Variants in PXN observed in about 807,000 individuals in gnomAD.
The protein encoded by PXN is testicular tissue protein Li 134.
Under a neutral mutation model 103.6 loss-of-function variants are expected in PXN, and 61 were observed. The observed-to-expected ratio is 0.59, with a 90% CI of 0.48 to 0.73. The LOEUF is 0.73. PXN is among the 30% of genes least tolerant of loss of function. The probability of loss-of-function intolerance (pLI) is 0.00; values close to 1 mark genes in which losing one functional copy is unlikely to be tolerated. For missense variants in PXN, 1,274 were observed against 1,460.3 expected (o/e 0.87, Z 2.08); for synonymous variants, 562 against 607.8 (o/e 0.92, Z 1.11).
In PXN at chr12:120,226,181, C is replaced by G. The variant is rs149924640; in HGVS notation, c.14-1804G>C. Reference sequence around the variant, plus strand: ...CTGTCTTGGCTTCACGCAGTGTCCTCATTTCCTCTGGGCCCAATCAGCAAT... The same window carrying G: ...CTGTCTTGGCTTCACGCAGTGTCCTGATTTCCTCTGGGCCCAATCAGCAAT... On this transcript the variant is annotated intron_variant, in intron 1 of 14. Transcript: ENST00000637617. 1.7e-5 allele frequency: 21 copies of G among 1,218,274 alleles called. No homozygotes were observed. In the East Asian group the frequency reaches 1.2e-3, roughly 67 times the overall value. The allele number at this position is 1,218,274 out of a possible 1,614,324, so 75.5% of individuals were successfully genotyped here. A position where few individuals can be genotyped will look rare whatever the true frequency, so the allele number is the denominator to read the frequency against.
At chr12:120,250,646 C>A (rs964494381) in intron 1 of PXN, among the ~76,000 whole-genome samples, 1 of 152,182 alleles carries the variant, frequency 6.6e-6, no homozygotes, top group Non-Finnish European at 1.5e-5. Context: ...CAAAGAGGCT[C>A]AGGGGAAATT....
rs375656026 is a variant in PXN at position 120,221,793 on chromosome 12, C to G, written c.696-35G>C. The G allele has an allele frequency of 1.1e-4, 161 of 1,529,416 alleles. 1 individual carries two copies. The African/African-American group carries it at 2.0e-3, about 19-fold the overall frequency. 94.7% of individuals were successfully genotyped at this position (1,529,416 alleles called of 1,614,324 possible). A position where few individuals can be genotyped will look rare whatever the true frequency, so the allele number is the denominator to read the frequency against. On this transcript the variant is annotated intron_variant, in intron 5 of 14. Coordinates refer to ENST00000637617, the MANE Select transcript of PXN (RefSeq NM_001385981.1). The surrounding 1 kb of genome is among the most constrained non-coding windows in gnomAD (Gnocchi z 6.6). ...GGGCACAGCATCAGTGGGGAGCCCA[C>G]AGTCAGCCCCACACTTCCCGGGGAT...
rs1370315432 is a variant in PXN, at chr12:120,222,734, G to A, written c.510C>T (p.Ser170=). The A allele has an allele frequency of 3.1e-6, 5 of 1,606,738 alleles. No homozygotes were observed. The East Asian group carries it at 6.7e-5, about 22-fold the overall frequency. ...PGFPADEANS[S]PPLPGALSPL... ...GGCTCAGGGCCCCAGGAAGCGGGGG[G>A]CTTGAGTTGGCCTCATCTTGCAGAG... The change falls in exon 5 of 15, where the codon AGC becomes AGT. Residue 170 remains serine (S), a synonymous_variant. Coordinates refer to ENST00000637617, the MANE Select transcript of PXN (RefSeq NM_001385981.1). The surrounding 1 kb of genome is among the most constrained non-coding windows in gnomAD (Gnocchi z 4.7).
chr12:120,259,611 C>T (rs561209224), intron 1 of PXN, among the ~76,000 whole-genome samples: 3 of 152,276 alleles, frequency 2.0e-5, no homozygotes, highest in East Asian at 3.9e-4. Flanking sequence ...ACCACTGGCC[C>T]AGCATCCAAG....
chr12:120,219,609 T>C lies in PXN; in HGVS notation c.1314A>G (p.Pro438=). 5 of 1,566,852 alleles carry C rather than the reference T, an allele frequency of 3.2e-6. No individual in the cohort carries two copies. The highest frequency in any genetic ancestry group is 4.3e-6 in the Non-Finnish European group (5 of 1,164,078). The change falls in exon 7 of 15, where the codon CCA becomes CCG. Residue 438 remains proline, a synonymous_variant. Transcript: ENST00000637617. The surrounding 1 kb of genome is among the most constrained non-coding windows in gnomAD (Gnocchi z 6.5). The part of the protein sequence containing the change: ...EEALAATWEQ[P]WASEVFGPER... ...CAGGCCCGAATACCTCCGAAGCCCA[T>C]GGCTGCTCCCATGTGGCAGCCAAGG...
At position 120,214,665 on chromosome 12, in the gene PXN, G is replaced by A. The variant is rs529754592; in HGVS notation, c.2748+160C>T. On this transcript the variant is annotated intron_variant, in intron 12 of 14. Transcript: ENST00000637617. The surrounding 1 kb of genome is among the most constrained non-coding windows in gnomAD (Gnocchi z 5.0). The stretch of plus-strand genomic sequence containing the variant: ...CCGATGCACATCGGGACAGGCTGTG[G>A]TTCAGGTGTGGCTGTGAATCCGGCC... 1.3e-5 allele frequency among the ~76,000 whole-genome samples: 2 copies of A among 152,318 alleles called. No homozygotes were observed. Among genetic ancestry groups the A allele is most frequent in the African/African-American group, 4.8e-5 (2 of 41,560 alleles).
chr12:120,255,390 A>C lies in PXN; in HGVS notation c.13+10227T>G, dbSNP rs956229997. Among the ~76,000 whole-genome samples the C allele has an allele frequency of 2.6e-5, 4 of 152,150 alleles. No individual in the cohort carries two copies. In the South Asian group the frequency reaches 8.3e-4, roughly 31 times the overall value. On this transcript the variant is annotated intron_variant, in intron 1 of 14. Coordinates refer to ENST00000637617, the MANE Select transcript of PXN (RefSeq NM_001385981.1). ...GAGCAAACGTGGAAGAATGGGTCAGACTGTGTTAAAATTTAAAAAGGAACA... is the reference window on the plus strand; with the variant it reads ...GAGCAAACGTGGAAGAATGGGTCAGCCTGTGTTAAAATTTAAAAAGGAACA...
rs770169305 is a variant in PXN at position 120,217,464 on chromosome 12, G to A, written c.1717-348C>T. On this transcript the variant is annotated intron_variant, in intron 7 of 14. Coordinates refer to ENST00000637617, the MANE Select transcript of PXN (RefSeq NM_001385981.1). The surrounding 1 kb of genome is among the most constrained non-coding windows in gnomAD (Gnocchi z 4.1). ...AACCACAAGATTTTCTTGGCTTACC[G>A]CACAGGGTTTGCACAAGAATTATTC... Among the ~76,000 whole-genome samples, 5 of 152,182 alleles carry A rather than the reference G, an allele frequency of 3.3e-5. No individual in the cohort carries two copies. The highest frequency in any genetic ancestry group is 5.9e-5 in the Non-Finnish European group (4 of 68,038).
chr12:120,254,817 G>A (rs769698518), intron 1 of PXN, among the ~76,000 whole-genome samples: 9 of 152,298 alleles, frequency 5.9e-5, no homozygotes, highest in Middle Eastern at 3.4e-3. Flanking sequence ...CCAAAGTGCT[G>A]GGATTACAGG....
rs1886305103 is a variant in PXN, at chr12:120,224,659, C to T, written c.14-282G>A. ...ATCTCCTACCTCTGGGAGTCAGGCA[C>T]CTGGCACTGCGTTCCCTCCTGACAG... On this transcript the variant is annotated intron_variant, in intron 1 of 14. Coordinates refer to ENST00000637617, the MANE Select transcript of PXN (RefSeq NM_001385981.1). This position sits in a 1 kb window ranked among gnomAD's most constrained non-coding sequence, Gnocchi z 5.0. The T allele has an allele frequency of 1.5e-6, 1 of 652,422 alleles. No homozygotes were observed. Among genetic ancestry groups the T allele is most frequent in the South Asian group, 1.5e-5 (1 of 66,334 alleles). 40.4% of individuals were successfully genotyped at this position (652,422 alleles called of 1,614,324 possible). A position where few individuals can be genotyped will look rare whatever the true frequency, so the allele number is the denominator to read the frequency against.
intron 1 of PXN, among the ~76,000 whole-genome samples, chr12:120,232,838 C>T (rs1298444738): frequency 2.0e-5 from 3 of 152,088 alleles, no homozygotes; most frequent in Admixed American, 6.6e-5. Context: ...CATTAGTTAC[C>T]CACTCTTTGC....
In PXN at chr12:120,214,844, C is replaced by T; in HGVS notation, c.2729G>A (p.Cys910Tyr). Reference sequence around the variant, plus strand: ...ACTCACATCCAGGATGGGGCCGTTGCAGTAGTAGCAGCGCGGGGAGAAGAG... The same window carrying T: ...ACTCACATCCAGGATGGGGCCGTTGTAGTAGTAGCAGCGCGGGGAGAAGAG... ...HNLFSPRCYY[C>Y]NGPILDKVVT... Residue 910 changes from cysteine to tyrosine, a missense_variant, in exon 12 of 15, where the codon TGC (cysteine) becomes TAC (tyrosine). Physicochemically the swap from Cys to Tyr is radical, Grantham distance 194. Transcript: ENST00000637617. This position sits in a 1 kb window ranked among gnomAD's most constrained non-coding sequence, Gnocchi z 5.0. The T allele has an allele frequency of 1.2e-6, 2 of 1,613,986 alleles. No individual in the cohort carries two copies. The highest frequency in any genetic ancestry group is 1.7e-6 in the Non-Finnish European group (2 of 1,179,874).
At position 120,224,798 on chromosome 12, in the gene PXN, G is replaced by A. The variant is rs967960609; in HGVS notation, c.14-421C>T. 11 of 457,880 alleles carry A rather than the reference G, an allele frequency of 2.4e-5. No homozygotes were observed. Among genetic ancestry groups the A allele is most frequent in the Non-Finnish European group, 3.5e-5 (8 of 228,376 alleles). 28.4% of individuals were successfully genotyped at this position (457,880 alleles called of 1,614,324 possible). On this transcript the variant is annotated intron_variant, in intron 1 of 14. Coordinates refer to ENST00000637617, the MANE Select transcript of PXN (RefSeq NM_001385981.1). The surrounding 1 kb of genome is among the most constrained non-coding windows in gnomAD (Gnocchi z 5.0). Reference sequence around the variant, plus strand: ...CAGGGAGGGGCCCTGGCTATGCCAGGCCCTCACTTGATTTCTAAGAGCTTA... The same window carrying A: ...CAGGGAGGGGCCCTGGCTATGCCAGACCCTCACTTGATTTCTAAGAGCTTA...
rs754321942 is a variant in PXN, at chr12:120,219,253, G to T, written c.1670C>A (p.Ala557Asp). The T allele has an allele frequency of 1.9e-6, 3 of 1,597,772 alleles. No homozygotes were observed. The Middle Eastern group carries it at 5.0e-4, about 264-fold the overall frequency. ...KEQPELPCAM[A>D]MGTPSTTERI... is the part of the protein sequence containing the mutation. ...CTCCGTGGTGCTGGGTGTGCCCATG[G>T]CCATGGCACATGGAAGCTCTGGCTG... Residue 557 changes from alanine to aspartate, a missense_variant, in exon 7 of 15, where the codon GCC becomes GAC. Coordinates refer to ENST00000637617, the MANE Select transcript of PXN (RefSeq NM_001385981.1). This position sits in a 1 kb window ranked among gnomAD's most constrained non-coding sequence, Gnocchi z 6.5.
In PXN at chr12:120,221,686, G is replaced by A. The variant is rs1056163580; in HGVS notation, c.768C>T (p.Arg256=). 2.9e-5 allele frequency: 45 copies of A among 1,567,756 alleles called. No homozygotes were observed. The highest frequency in any genetic ancestry group is 1.7e-4 in the Middle Eastern group (1 of 6,040). Residue 256 remains arginine (R), a synonymous_variant, in exon 6 of 15, where the codon CGC becomes CGT. Coordinates refer to ENST00000637617, the MANE Select transcript of PXN (RefSeq NM_001385981.1). This position sits in a 1 kb window ranked among gnomAD's most constrained non-coding sequence, Gnocchi z 6.6. ...QRVTSTQQQT[R]ISASSATREL... ...CCCTGGTGGCAGAGGAGGCCGAGAT[G>A]CGTGTCTGCTGTTGGGTGGAGGTGA...
chr12:120,230,151 T>A (rs1029709676), intron 1 of PXN, among the ~76,000 whole-genome samples: 3 of 152,208 alleles, frequency 2.0e-5, no homozygotes, highest in Non-Finnish European at 2.9e-5. Context: ...TGCAGCTTCC[T>A]TAGGAGCTGA....
chr12:120,261,505 T>C (rs1283662295), intron 1 of PXN, among the ~76,000 whole-genome samples: 1 of 152,102 alleles, frequency 6.6e-6, no homozygotes, highest in Non-Finnish European at 1.5e-5. Flanking sequence ...TTGTTATTAT[T>C]AATGAAGGCA....
chr12:120,212,687 C>T lies in PXN; in HGVS notation c.2980-107G>A. 2.3e-6 allele frequency: 3 copies of T among 1,328,150 alleles called. No individual in the cohort carries two copies. The highest frequency in any genetic ancestry group is 1.4e-5 in the South Asian group (1 of 73,130). The allele number at this position is 1,328,150 out of a possible 1,614,324, so 82.3% of individuals were successfully genotyped here. ...GTCGGCACGCTCGGAGTGACTCCTACTTGCTAGGCGTTTCCCATGTGCCGT... is the reference window on the plus strand; with the variant it reads ...GTCGGCACGCTCGGAGTGACTCCTATTTGCTAGGCGTTTCCCATGTGCCGT... On this transcript the variant is annotated intron_variant, in intron 14 of 14. Transcript: ENST00000637617. This position sits in a 1 kb window ranked among gnomAD's most constrained non-coding sequence, Gnocchi z 7.2.
At chr12:120,264,894 A>C (rs778090499) in intron 1 of PXN, among the ~76,000 whole-genome samples, 3 of 151,936 alleles carry the variant, frequency 2.0e-5, no homozygotes, top group Non-Finnish European at 4.4e-5. Flanking sequence ...TGGTCCACAG[A>C]GCGGGGAGGT....
Sources: allele counts gnomAD v4.1 joint callset (sites outside exome capture counted in the v4.1 genomes callset), GRCh38; gene constraint gnomAD v4.1.1; non-coding constraint Gnocchi (gnomAD v3.1); transcripts MANE v1.5; gene names NCBI Gene and HGNC (gene_info 2026-07-23, HGNC 2026-07-21).